ROCK2: variants seen among roughly 807,000 people sequenced by gnomAD.
ROCK2 encodes rho-associated protein kinase 2.
ROCK2 carries 61 observed loss-of-function variants against 195.1 expected under a neutral mutation model. The observed-to-expected ratio is 0.31, with a 90% CI of 0.25 to 0.39. The LOEUF (loss-of-function observed/expected upper bound fraction) is 0.39, where lower values mean the gene tolerates loss of function less well. Ranked by LOEUF, ROCK2 falls within the 10% of genes least tolerant of loss-of-function variation. The pLI, the probability that ROCK2 is intolerant of heterozygous loss-of-function variation, is 1.00. For missense variants in ROCK2, 1,109 were observed against 1,637.4 expected (o/e 0.68, Z 5.57); for synonymous variants, 504 against 545.5 (o/e 0.92, Z 1.06).
intron 1 of ROCK2, among the ~76,000 whole-genome samples, chr2:11,330,561 T>C (rs1270778070): frequency 6.6e-6 from 1 of 152,188 alleles, no homozygotes; most frequent in Non-Finnish European, 1.5e-5. Flanking sequence ...TAATACACTT[T>C]CTTTTCCTTT....
At chr2:11,312,418 T>C (rs576838046) in intron 1 of ROCK2, among the ~76,000 whole-genome samples, 47 of 152,142 alleles carry the variant, frequency 3.1e-4, no homozygotes, top group Admixed American at 2.6e-3. Flanking sequence ...CCTGTACTCC[T>C]TAAAAATCCC....
chr2:11,214,820 T>C lies in ROCK2; in HGVS notation c.1936+20A>G. On this transcript the variant is annotated intron_variant, in intron 16 of 32. Coordinates refer to ENST00000315872, the MANE Select transcript of ROCK2 (RefSeq NM_004850.5). ...TAAGAATCATCAAAATTAATTCAAG[T>C]GCAACCACGACTTCAATACCTTGTA... 1.9e-6 allele frequency: 3 copies of C among 1,581,794 alleles called. No homozygotes were observed. Among genetic ancestry groups the C allele is most frequent in the Non-Finnish European group, 2.6e-6 (3 of 1,166,234 alleles).
chr2:11,284,140 G>A (rs1667108786), intron 3 of ROCK2, among the ~76,000 whole-genome samples: 1 of 152,164 alleles, frequency 6.6e-6, no homozygotes, highest in South Asian at 2.1e-4. Context: ...CTCAGTGAAA[G>A]ATGACAATCT....
intron 2 of ROCK2, among the ~76,000 whole-genome samples, chr2:11,287,007 T>C (rs1007942075): frequency 1.3e-5 from 2 of 152,206 alleles, no homozygotes; most frequent in Non-Finnish European, 2.9e-5. Context: ...AGGCTAATCT[T>C]AGTAATGAAT....
intron 32 of ROCK2, among the ~76,000 whole-genome samples, chr2:11,190,302 G>A (rs1267542788): frequency 6.6e-6 from 1 of 150,688 alleles, no homozygotes; most frequent in Admixed American, 6.6e-5. Flanking sequence ...CCGTTGCTAT[G>A]ACAAAATGTG....
intron 20 of ROCK2, among the ~76,000 whole-genome samples, chr2:11,203,588 A>C (rs1175845514): frequency 6.6e-6 from 1 of 152,142 alleles, no homozygotes; most frequent in Non-Finnish European, 1.5e-5. Flanking sequence ...ATTTAACCCT[A>C]GTCTCTTCAG....
chr2:11,337,060 T>C (rs549793695), intron 1 of ROCK2, among the ~76,000 whole-genome samples: 12 of 152,208 alleles, frequency 7.9e-5, no homozygotes, highest in African/African-American at 2.9e-4. Flanking sequence ...CTGGCCAACA[T>C]GGTGAAACCC....
chr2:11,272,333 A>C (rs1666666807), intron 3 of ROCK2, among the ~76,000 whole-genome samples: 1 of 152,226 alleles, frequency 6.6e-6, no homozygotes, highest in African/African-American at 2.4e-5. Flanking sequence ...ACACACAATT[A>C]TAAAGTCCAG....
chr2:11,306,718 A>G (rs1411002529), intron 1 of ROCK2, among the ~76,000 whole-genome samples: 1 of 152,248 alleles, frequency 6.6e-6, no homozygotes, highest in African/African-American at 2.4e-5. Context: ...ATTTCAACAA[A>G]TATGTCTACA....
chr2:11,281,851 A>T (rs1489237448), intron 3 of ROCK2, among the ~76,000 whole-genome samples: 1 of 152,212 alleles, frequency 6.6e-6, no homozygotes, highest in African/African-American at 2.4e-5. Context: ...ACAGAAATCA[A>T]AGAACTAAGC....
intron 1 of ROCK2, among the ~76,000 whole-genome samples, chr2:11,334,854 A>T (rs1668875818): frequency 6.6e-6 from 1 of 150,798 alleles, no homozygotes; most frequent in African/African-American, 2.4e-5. Flanking sequence ...TAAAATGTCT[A>T]TCACTTGCTT....
At position 11,261,641 on chromosome 2, in the gene ROCK2, A is replaced by AC. The variant is rs543627553; in HGVS notation, c.325-11844dup. The stretch of plus-strand genomic sequence containing the variant: ...AGACCAGCCTGACCAACATGGTGAA[A>AC]CCCTGTCTTTACTAAAAATACAAAA... On this transcript the variant is annotated intron_variant, in intron 3 of 32. Transcript: ENST00000315872. Among the ~76,000 whole-genome samples the AC allele has an allele frequency of 7.1e-3, 1,085 of 152,206 alleles. 16 individuals are homozygous for AC. Among genetic ancestry groups the AC allele is most frequent in the African/African-American group, 0.025 (1,035 of 41,514 alleles).
intron 1 of ROCK2, among the ~76,000 whole-genome samples, chr2:11,319,032 T>G (rs1159427491): frequency 2.0e-5 from 3 of 152,314 alleles, no homozygotes; most frequent in African/African-American, 4.8e-5. Flanking sequence ...TGAAGTCAGG[T>G]AGTGTGATGC....
At chr2:11,323,939 C>A (rs1668472491) in intron 1 of ROCK2, among the ~76,000 whole-genome samples, 1 of 152,198 alleles carries the variant, frequency 6.6e-6, no homozygotes, top group African/African-American at 2.4e-5. Context: ...CTGTATCCAC[C>A]ATTATAGTAT....
chr2:11,254,997 C>T (rs566355877), intron 3 of ROCK2, among the ~76,000 whole-genome samples: 9 of 151,982 alleles, frequency 5.9e-5, no homozygotes, highest in African/African-American at 2.2e-4. Flanking sequence ...GCGGGCAGAT[C>T]ATGAGGTCAG....
At chr2:11,279,788 A>G (rs76367048) in intron 3 of ROCK2, among the ~76,000 whole-genome samples, 13 of 152,330 alleles carry the variant, frequency 8.5e-5, no homozygotes, top group African/African-American at 3.1e-4. Context: ...TGGGCCACGA[A>G]ACACACCGTA....
intron 4 of ROCK2, among the ~76,000 whole-genome samples, chr2:11,248,024 G>C (rs940145685): frequency 6.6e-6 from 1 of 150,526 alleles, no homozygotes; most frequent in Non-Finnish European, 1.5e-5. Flanking sequence ...TCCGTCTCAA[G>C]GGAAAAAAAA....
At position 11,214,342 on chromosome 2, in the gene ROCK2, TA is replaced by T; in HGVS notation, c.2043+14del. ...CTGTCAATTTTCTTATGCAAAAATA[TA>T]AAACATGTTTTACCTTTTCCAAATC... On this transcript the variant is annotated intron_variant, in intron 17 of 32. Coordinates refer to ENST00000315872, the MANE Select transcript of ROCK2 (RefSeq NM_004850.5). 1.4e-6 allele frequency: 2 copies of T among 1,422,682 alleles called. No individual in the cohort carries two copies. The highest frequency in any genetic ancestry group is 9.8e-7 in the Non-Finnish European group (1 of 1,023,142). The allele number at this position is 1,422,682 out of a possible 1,614,324, so 88.1% of individuals were successfully genotyped here.
rs371793652 is a variant in ROCK2, at chr2:11,344,017, G to C, written c.120C>G (p.Pro40=). The part of the protein sequence containing the change: ...LEALIRDPRS[P]INVESLLDGL... ...CTACCAGCAAGCTCTCCACGTTGAT[G>C]GGGGAGCGAGGGTCTCGGATCAGCG... The change falls in exon 1 of 33, where the codon CCC becomes CCG. Residue 40 remains proline (P), a synonymous_variant. Coordinates refer to ENST00000315872, the MANE Select transcript of ROCK2 (RefSeq NM_004850.5). This position sits in a 1 kb window ranked among gnomAD's most constrained non-coding sequence, Gnocchi z 5.4. 2 of 1,589,966 alleles carry C rather than the reference G, an allele frequency of 1.3e-6. No homozygotes were observed. The highest frequency in any genetic ancestry group is 1.7e-6 in the Non-Finnish European group (2 of 1,169,390).
Sources: allele counts gnomAD v4.1 joint callset (sites outside exome capture counted in the v4.1 genomes callset), GRCh38; gene constraint gnomAD v4.1.1; non-coding constraint Gnocchi (gnomAD v3.1); transcripts MANE v1.5; gene names NCBI Gene and HGNC (gene_info 2026-07-23, HGNC 2026-07-21).